The following ZFHX3 variants were observed in gnomAD, a reference collection of about 807,000 sequenced individuals.
The protein encoded by ZFHX3 is zinc finger homeobox 3.
In ZFHX3, 42 loss-of-function variants were observed where a neutral mutation model predicts 279.1. The ratio of observed to expected loss-of-function variants is 0.15; its 90% confidence interval spans 0.12 to 0.19. ZFHX3 has a LOEUF of 0.19. Among genes scored for constraint, ZFHX3 ranks in the 10% least tolerant of loss-of-function variants. The pLI is 1.00. For synonymous variants in ZFHX3, 2,293 were observed against 1,957.8 expected (o/e 1.17, Z -4.52); for missense variants, 4,981 against 4,754.0 (o/e 1.05, Z -1.40).
At chr16:73,092,996 T>G (rs769177160) in intron 8 of ZFHX3, 15 of 520,030 alleles carry the variant, frequency 2.9e-5, no homozygotes, top group African/African-American at 2.3e-4. Context: ...GTGAAATCCC[T>G]TCTCCTTTTT....
chr16:73,306,173 G>A (rs866135130), intron 4 of ZFHX3, among the ~76,000 whole-genome samples: 172 of 152,240 alleles, frequency 1.1e-3, no homozygotes, highest in African/African-American at 3.9e-3. Flanking sequence ...GAGTGTATAT[G>A]TGGCTCCAAA....
At chr16:73,813,141 C>T (rs1960468960) in intron 1 of ZFHX3, among the ~76,000 whole-genome samples, 1 of 152,112 alleles carries the variant, frequency 6.6e-6, no homozygotes. Flanking sequence ...TAAGTAACAC[C>T]TTTCTCAGAG....
chr16:73,772,133 C>T (rs934040442), intron 1 of ZFHX3, among the ~76,000 whole-genome samples: 1 of 152,142 alleles, frequency 6.6e-6, no homozygotes, highest in African/African-American at 2.4e-5. Flanking sequence ...CCACCTCCAC[C>T]CCCTCGCCAC....
chr16:72,903,731 TAAC>T (rs2039098071), intron 3 of ZFHX3, among the ~76,000 whole-genome samples: 1 of 152,176 alleles, frequency 6.6e-6, no homozygotes, highest in Non-Finnish European at 1.5e-5. Flanking sequence ...TTTCAGAAGT[TAAC>T]AGTCTCATAT....
chr16:73,036,535 T>C (rs1964913483), intron 1 of ZFHX3, among the ~76,000 whole-genome samples: 1 of 151,680 alleles, frequency 6.6e-6, no homozygotes, highest in African/African-American at 2.4e-5. Flanking sequence ...AAAGTGGAAA[T>C]AACTCCTGCT....
chr16:73,070,391 C>T (rs1021542206), intron 8 of ZFHX3, among the ~76,000 whole-genome samples: 3 of 152,174 alleles, frequency 2.0e-5, no homozygotes, highest in African/African-American at 7.2e-5. Context: ...AGCATCTGAG[C>T]TTAGATTCAC....
At chr16:73,838,762 C>G (rs985648440) in intron 1 of ZFHX3, among the ~76,000 whole-genome samples, 10 of 147,772 alleles carry the variant, frequency 6.8e-5, no homozygotes, top group South Asian at 2.2e-4. Flanking sequence ...GTGTGTGTGT[C>G]TGTGTGTGTG....
intron 2 of ZFHX3, among the ~76,000 whole-genome samples, chr16:73,593,137 C>G (rs989221266): frequency 2.0e-5 from 3 of 151,960 alleles, no homozygotes; most frequent in African/African-American, 4.8e-5. Context: ...ATCAAAAATC[C>G]TCCCACAAAG....
At chr16:73,659,988 G>T (rs2052764260) in intron 2 of ZFHX3, among the ~76,000 whole-genome samples, 1 of 152,180 alleles carries the variant, frequency 6.6e-6, no homozygotes, top group African/African-American at 2.4e-5. Context: ...TGCATTAAGT[G>T]TATGCCATAC....
intron 1 of ZFHX3, among the ~76,000 whole-genome samples, chr16:73,705,534 T>C (rs1311657166): frequency 6.6e-6 from 1 of 152,232 alleles, no homozygotes; most frequent in African/African-American, 2.4e-5. Flanking sequence ...CCATATTTCC[T>C]ATAAGGCCTT....
chr16:73,811,805 G>T (rs1298862338), intron 1 of ZFHX3, among the ~76,000 whole-genome samples: 2 of 152,086 alleles, frequency 1.3e-5, no homozygotes, highest in Non-Finnish European at 2.9e-5. Context: ...TCTCTCTGTT[G>T]TGATGCTATC....
At chr16:73,849,787 C>A (rs540883318) in intron 1 of ZFHX3, among the ~76,000 whole-genome samples, 5 of 152,220 alleles carry the variant, frequency 3.3e-5, no homozygotes, top group African/African-American at 1.2e-4. Flanking sequence ...GGCTAGAGTA[C>A]GATGGCGTGA....
chr16:73,183,110 CAGG>C (rs1266660759), intron 5 of ZFHX3, among the ~76,000 whole-genome samples: 1 of 152,132 alleles, frequency 6.6e-6, no homozygotes, highest in Non-Finnish European at 1.5e-5. Flanking sequence ...GAGGCTGAGA[CAGG>C]AGAATTGCTT....
chr16:73,357,895 G>T (rs907399576), intron 3 of ZFHX3, among the ~76,000 whole-genome samples: 1 of 152,118 alleles, frequency 6.6e-6, no homozygotes, highest in Admixed American at 6.5e-5. Flanking sequence ...ATATCCTTCA[G>T]GGACTTCGCA....
chr16:73,476,571 C>A (rs1285218074), intron 2 of ZFHX3, among the ~76,000 whole-genome samples: 2 of 152,098 alleles, frequency 1.3e-5, no homozygotes, highest in East Asian at 3.8e-4. Context: ...TAAATTTAAA[C>A]CACTACAATT....
chr16:73,512,195 C>G (rs2019440556), intron 2 of ZFHX3, among the ~76,000 whole-genome samples: 1 of 146,168 alleles, frequency 6.8e-6, no homozygotes, highest in Admixed American at 7.1e-5. Flanking sequence ...TTTGGGGGAC[C>G]AAGGTGGGTG....
intron 1 of ZFHX3, among the ~76,000 whole-genome samples, chr16:73,796,788 T>C (rs1960002974): frequency 6.6e-6 from 1 of 152,148 alleles, no homozygotes; most frequent in South Asian, 2.1e-4. Flanking sequence ...GACCCAAAAC[T>C]GGCTCACAGC....
chr16:72,917,931 G>A (rs1021818098), intron 3 of ZFHX3, among the ~76,000 whole-genome samples: 2 of 152,120 alleles, frequency 1.3e-5, no homozygotes, highest in African/African-American at 4.8e-5. Flanking sequence ...ACTTGAGAGG[G>A]CAGCCAGCTA....
intron 1 of ZFHX3, among the ~76,000 whole-genome samples, chr16:73,030,099 AT>A (rs397855088): frequency 3.3e-5 from 5 of 152,176 alleles, no homozygotes; most frequent in Non-Finnish European, 7.3e-5. Flanking sequence ...CTATTCACAA[AT>A]TTTTTAAAAG....
Sources: gnomAD v4.1 joint callset for allele counts (sites outside exome capture counted in the v4.1 genomes callset) on GRCh38, gnomAD v4.1.1 for gene constraint, MANE v1.5 for transcripts, NCBI Gene and HGNC (gene_info 2026-07-23, HGNC 2026-07-21) for gene names.